THOC7: variants seen among roughly 807,000 people sequenced by gnomAD.
The protein encoded by THOC7 is NIF3L1-binding protein 1.
In THOC7, 22 loss-of-function variants were observed where a neutral mutation model predicts 33.1. The observed-to-expected ratio is 0.66, with a 90% confidence interval of 0.47 to 0.95. The LOEUF is 0.95. THOC7 is among the 40% of genes least tolerant of loss of function. The pLI is 0.00. For synonymous variants in THOC7, 77 were observed against 76.8 expected (o/e 1.00, Z -0.01); for missense variants, 184 against 245.3 (o/e 0.75, Z 1.67).
rs760273046 is a variant in THOC7, at chr3:63,835,144, T to A, written c.547+10A>T. On this transcript the variant is annotated intron_variant, in intron 7 of 7. Transcript: ENST00000295899. ...TCATAAGCATTTACTTTGAGACTATTTCTACTTACTTTCCAATGTTTGCTG... is the reference window on the plus strand; with the variant it reads ...TCATAAGCATTTACTTTGAGACTATATCTACTTACTTTCCAATGTTTGCTG... 78 of 1,612,700 alleles carry A rather than the reference T, an allele frequency of 4.8e-5. No individual in the cohort carries two copies. The highest frequency in any genetic ancestry group is 6.5e-5 in the Non-Finnish European group (77 of 1,179,384).
intron 1 of THOC7, chr3:63,846,114 A>G: frequency 2.6e-6 from 1 of 385,622 alleles, no homozygotes; most frequent in Non-Finnish European, 5.2e-6. Flanking sequence ...CAAGGATGGT[A>G]AAACTGATGT....
At chr3:63,856,666 A>G (rs960816606) in intron 1 of THOC7, among the ~76,000 whole-genome samples, 2 of 152,162 alleles carry the variant, frequency 1.3e-5, no homozygotes, top group Non-Finnish European at 2.9e-5. Context: ...TATGCTAAGG[A>G]CTGCTTTAGA....
At position 63,838,440 on chromosome 3, in the gene THOC7, T is replaced by C. The variant is rs1435151155; in HGVS notation, c.197A>G (p.Lys66Arg). The C allele has an allele frequency of 1.3e-5, 21 of 1,609,692 alleles. No individual in the cohort carries two copies. The highest frequency in any genetic ancestry group is 1.6e-5 in the Non-Finnish European group (19 of 1,178,124). ...ATTCATATCATATACTAGTAAAGTT[T>C]TGCCCATTGAAAATTCACATTGAGA... ...TLSQCEFSMG[K>R]TLLVYDMNLR... The change falls in exon 3 of 8, where the codon AAA becomes AGA. Residue 66 changes from lysine (K) to arginine (R), a missense_variant. Lys to Arg is a conservative substitution (Grantham distance 26). Transcript: ENST00000295899.
At chr3:63,851,889 T>C (rs1417684514) in intron 1 of THOC7, among the ~76,000 whole-genome samples, 2 of 152,104 alleles carry the variant, frequency 1.3e-5, no homozygotes, top group Admixed American at 1.3e-4. Flanking sequence ...ATCTTTAAAC[T>C]AAAAAATAAC....
At chr3:63,839,840 C>A in intron 1 of THOC7, 67 bp from the exon 2 acceptor site, 19 of 1,274,318 alleles carry the variant, frequency 1.5e-5, no homozygotes, top group Non-Finnish European at 2.2e-5. Context: ...TAACCAGTAT[C>A]ACTGTTCATT....
chr3:63,842,056 A>G (rs1002149441), intron 1 of THOC7, among the ~76,000 whole-genome samples: 3 of 152,204 alleles, frequency 2.0e-5, no homozygotes, highest in Admixed American at 2.0e-4. Context: ...CCTGATTGAG[A>G]GGAAAAAATA....
At chr3:63,843,670 G>C (rs868215570) in intron 1 of THOC7, among the ~76,000 whole-genome samples, 6 of 152,124 alleles carry the variant, frequency 3.9e-5, no homozygotes, top group Non-Finnish European at 8.8e-5. Flanking sequence ...GGAGGCCAAG[G>C]TGGGCGCATC....
At chr3:63,849,932 T>C (rs1322713575) in intron 1 of THOC7, among the ~76,000 whole-genome samples, 2 of 152,184 alleles carry the variant, frequency 1.3e-5, no homozygotes, top group East Asian at 3.9e-4. Flanking sequence ...AGATATCTCA[T>C]ACCTGATACA....
intron 1 of THOC7, among the ~76,000 whole-genome samples, chr3:63,855,290 A>G (rs1394719478): frequency 7.2e-6 from 1 of 138,704 alleles, no homozygotes; most frequent in Non-Finnish European, 1.6e-5. Context: ...ATATCTTTCA[A>G]AATCAGTTTA....
At position 63,843,914 on chromosome 3, in the gene THOC7, C is replaced by A. The variant is rs1184255309; in HGVS notation, c.20-4141G>T. On this transcript the variant is annotated intron_variant, in intron 1 of 7. Transcript: ENST00000295899. Reference sequence around the variant, plus strand: ...AGACTCCGTCTCAGAAAAAAAAAAACAAAACTGTGGATGTGTGTGTATATA... The same window carrying A: ...AGACTCCGTCTCAGAAAAAAAAAAAAAAAACTGTGGATGTGTGTGTATATA... Among the ~76,000 whole-genome samples, 72 of 150,190 alleles carry A rather than the reference C, an allele frequency of 4.8e-4. 1 individual carries two copies. The highest frequency in any genetic ancestry group is 3.5e-3 in the Middle Eastern group (1 of 288).
intron 1 of THOC7, chr3:63,861,050 A>G (rs1475708390): frequency 1.4e-4 from 22 of 152,238 alleles, no homozygotes; most frequent in Admixed American, 1.4e-3. Flanking sequence ...CAACTCTGAC[A>G]TTAATATTTA....
At chr3:63,857,776 A>T (rs1702141055) in intron 1 of THOC7, among the ~76,000 whole-genome samples, 2 of 152,248 alleles carry the variant, frequency 1.3e-5, no homozygotes, top group African/African-American at 2.4e-5. Flanking sequence ...AATTAAATTT[A>T]AAATTTTAAA....
chr3:63,852,022 G>C (rs888631125), intron 1 of THOC7, among the ~76,000 whole-genome samples: 2 of 152,126 alleles, frequency 1.3e-5, no homozygotes, highest in Non-Finnish European at 2.9e-5. Flanking sequence ...TTGGGTCTCT[G>C]CTCCCTGCAT....
intron 1 of THOC7, among the ~76,000 whole-genome samples, chr3:63,843,895 C>T (rs1336356521): frequency 1.3e-5 from 2 of 150,758 alleles, no homozygotes; most frequent in Non-Finnish European, 2.9e-5. Flanking sequence ...AGTGAGACTC[C>T]GTCTCAGAAA....
chr3:63,842,874 T>G (rs1265598303), intron 1 of THOC7, among the ~76,000 whole-genome samples: 3 of 151,992 alleles, frequency 2.0e-5, no homozygotes. Flanking sequence ...CTCCACCTAC[T>G]GGGTTCAAGC....
chr3:63,850,448 AC>A (rs1187849062), intron 1 of THOC7, among the ~76,000 whole-genome samples: 1 of 151,420 alleles, frequency 6.6e-6, no homozygotes, highest in African/African-American at 2.4e-5. Context: ...TGATCCACCC[AC>A]CTTGGCCTCC....
chr3:63,837,398 A>G (rs1223759973), intron 4 of THOC7, among the ~76,000 whole-genome samples: 2 of 152,008 alleles, frequency 1.3e-5, no homozygotes, highest in Non-Finnish European at 2.9e-5. Flanking sequence ...TCTAACATTA[A>G]AAATTATCTT....
chr3:63,834,747 T>G (rs1428686333), intron 7 of THOC7, among the ~76,000 whole-genome samples: 2 of 151,976 alleles, frequency 1.3e-5, no homozygotes, highest in African/African-American at 4.8e-5. Context: ...TCCACTTGCC[T>G]ATAGTGAATA....
intron 5 of THOC7, among the ~76,000 whole-genome samples, chr3:63,835,835 T>C (rs1003241270): frequency 6.6e-6 from 1 of 152,106 alleles, no homozygotes; most frequent in African/African-American, 2.4e-5. Flanking sequence ...TTCTTTTTTA[T>C]GCATATACTT....
Sources: allele counts gnomAD v4.1 joint callset (sites outside exome capture counted in the v4.1 genomes callset), GRCh38; gene constraint gnomAD v4.1.1; transcripts MANE v1.5; gene names NCBI Gene and HGNC (gene_info 2026-07-23, HGNC 2026-07-21).